Variants in ANKS1B observed in about 807,000 individuals in gnomAD.
ANKS1B encodes the protein ankyrin repeat and sterile alpha motif domain-containing protein 1B.
Under a neutral mutation model 148.3 loss-of-function variants are expected in ANKS1B, and 36 were observed. That is an observed-to-expected ratio of 0.24 (90% CI 0.19 to 0.32). ANKS1B has a LOEUF of 0.32. Ranked by LOEUF, ANKS1B falls within the 10% of genes least tolerant of loss-of-function variation. The pLI, the probability that ANKS1B is intolerant of heterozygous loss-of-function variation, is 1.00. For synonymous variants in ANKS1B, 542 were observed against 560.8 expected, an observed-to-expected ratio of 0.97 and a Z score of 0.47; for missense variants, 1,157 against 1,542.6, an observed-to-expected ratio of 0.75 and a Z score of 4.19.
At chr12:98,781,237 T>C in intron 23 of ANKS1B, 34 bp from the exon 24 acceptor site, 2 of 1,399,266 alleles carry the variant, frequency 1.4e-6, no homozygotes, top group South Asian at 1.2e-5. Flanking sequence ...TTAGAGCAGT[T>C]TGTGTTGCGT....
intron 8 of ANKS1B, among the ~76,000 whole-genome samples, chr12:99,752,166 G>A (rs1457511695): frequency 1.3e-5 from 2 of 151,840 alleles, no homozygotes; most frequent in African/African-American, 2.4e-5. Flanking sequence ...AAACAGGACA[G>A]AATCACTTTT....
intron 1 of ANKS1B, among the ~76,000 whole-genome samples, chr12:99,894,508 CAAA>C (rs777618998): frequency 1.6e-5 from 1 of 64,266 alleles, no homozygotes. Context: ...GACCCTGTCT[CAAA>C]AAAAAAAAAA....
intron 15 of ANKS1B, among the ~76,000 whole-genome samples, chr12:99,146,802 T>G (rs2073278974): frequency 6.6e-6 from 1 of 152,232 alleles, no homozygotes; most frequent in Admixed American, 6.5e-5. Context: ...TATGTCTACA[T>G]GTGTAAACTA....
intron 9 of ANKS1B, among the ~76,000 whole-genome samples, chr12:99,652,593 A>G (rs2098427479): frequency 6.6e-6 from 1 of 152,180 alleles, no homozygotes; most frequent in Non-Finnish European, 1.5e-5. Context: ...ACATTTATAG[A>G]TTTAATGCAG....
At chr12:99,327,376 A>ATG (rs2086655589) in intron 12 of ANKS1B, among the ~76,000 whole-genome samples, 1 of 128,978 alleles carries the variant, frequency 7.8e-6, no homozygotes, top group African/African-American at 3.0e-5. Context: ...TACATATTAT[A>ATG]TATAATTATA....
intron 15 of ANKS1B, among the ~76,000 whole-genome samples, chr12:99,129,179 T>C (rs1372550615): frequency 6.6e-6 from 1 of 152,126 alleles, no homozygotes; most frequent in African/African-American, 2.4e-5. Flanking sequence ...TAGCCCAAGA[T>C]AAAGAAGCAT....
At chr12:98,888,735 T>C (rs770418819) in intron 17 of ANKS1B, among the ~76,000 whole-genome samples, 4 of 152,194 alleles carry the variant, frequency 2.6e-5, no homozygotes, top group Non-Finnish European at 4.4e-5. Flanking sequence ...GAGGGCCACC[T>C]TCTCAGGGAT....
intron 1 of ANKS1B, among the ~76,000 whole-genome samples, chr12:99,866,308 T>C (rs921295645): frequency 2.0e-5 from 3 of 152,206 alleles, no homozygotes; most frequent in Non-Finnish European, 4.4e-5. Flanking sequence ...TATAGTTTGT[T>C]GAACGGTGTT....
chr12:99,847,299 T>C (rs983643874), intron 1 of ANKS1B, among the ~76,000 whole-genome samples: 3 of 152,066 alleles, frequency 2.0e-5, no homozygotes, highest in African/African-American at 7.2e-5. Flanking sequence ...CTGAGCTTCT[T>C]TCTCCTGCTC....
intron 8 of ANKS1B, among the ~76,000 whole-genome samples, chr12:99,711,590 GA>G (rs1451830916): frequency 2.6e-5 from 4 of 151,896 alleles, no homozygotes; most frequent in Admixed American, 2.6e-4. Flanking sequence ...ACAAGCATAT[GA>G]AAAAAAGCTC....
chr12:98,957,370 C>T (rs1051498290), intron 17 of ANKS1B, among the ~76,000 whole-genome samples: 4 of 145,546 alleles, frequency 2.7e-5, no homozygotes, highest in South Asian at 2.2e-4. Flanking sequence ...TATTTTGAGA[C>T]GGAGTCTCTC....
chr12:99,680,360 G>C (rs2098607107), intron 8 of ANKS1B, among the ~76,000 whole-genome samples: 1 of 152,110 alleles, frequency 6.6e-6, no homozygotes, highest in African/African-American at 2.4e-5. Flanking sequence ...AGGATCACCT[G>C]AGCCCAGGAG....
At chr12:98,783,510 T>C (rs950631185) in intron 22 of ANKS1B, among the ~76,000 whole-genome samples, 1 of 152,164 alleles carries the variant, frequency 6.6e-6, no homozygotes, top group Admixed American at 6.5e-5. Context: ...GCCTCCAGGA[T>C]AGTGAATAAA....
chr12:99,929,734 A>G (rs7309781), intron 1 of ANKS1B, among the ~76,000 whole-genome samples: 91,417 of 151,830 alleles, frequency 0.6, 28,656 homozygotes, highest in Middle Eastern at 0.7. Flanking sequence ...AGTTTTCCCA[A>G]CACCATTTAT....
At chr12:99,819,794 A>G (rs1049133075) in intron 2 of ANKS1B, among the ~76,000 whole-genome samples, 1 of 151,582 alleles carries the variant, frequency 6.6e-6, no homozygotes, top group African/African-American at 2.4e-5. Flanking sequence ...ACTAAAAATA[A>G]TGGATGAAAA....
chr12:98,826,902 G>A (rs1204836152), intron 19 of ANKS1B, among the ~76,000 whole-genome samples: 1 of 152,142 alleles, frequency 6.6e-6, no homozygotes, highest in Non-Finnish European at 1.5e-5. Context: ...GTATGGTCTA[G>A]AGAGATATGA....
At chr12:99,308,593 C>T (rs2082673150) in intron 12 of ANKS1B, among the ~76,000 whole-genome samples, 2 of 151,820 alleles carry the variant, frequency 1.3e-5, no homozygotes, top group South Asian at 2.1e-4. Flanking sequence ...TATTTTCAAG[C>T]TAATTTTGGC....
At chr12:99,490,543 A>G (rs1299968963) in intron 10 of ANKS1B, among the ~76,000 whole-genome samples, 1 of 152,240 alleles carries the variant, frequency 6.6e-6, no homozygotes, top group African/African-American at 2.4e-5. Flanking sequence ...ACACCTAAGA[A>G]TAACCTAGTT....
chr12:99,136,473 A>G (rs2068095374), intron 15 of ANKS1B, among the ~76,000 whole-genome samples: 1 of 152,222 alleles, frequency 6.6e-6, no homozygotes, highest in African/African-American at 2.4e-5. Context: ...GACTTGAAAC[A>G]CACACACAAA....
Sources: gnomAD v4.1 joint callset for allele counts (sites outside exome capture counted in the v4.1 genomes callset) on GRCh38, gnomAD v4.1.1 for gene constraint, MANE v1.5 for transcripts, NCBI Gene and HGNC (gene_info 2026-07-23, HGNC 2026-07-21) for gene names.